WDR64: variants seen among roughly 807,000 people sequenced by gnomAD.
The protein encoded by WDR64 is WD repeat-containing protein 64.
In WDR64, 112 loss-of-function variants were observed where a neutral mutation model predicts 139.3. The ratio of observed to expected loss-of-function variants is 0.80; its 90% CI spans 0.69 to 0.94. The LOEUF is 0.94. Among genes scored for constraint, WDR64 ranks in the 40% least tolerant of loss-of-function variants. The probability of loss-of-function intolerance (pLI) is 0.00; values close to 1 mark genes in which losing one functional copy is unlikely to be tolerated. For synonymous variants in WDR64, 444 were observed against 437.7 expected, an observed-to-expected ratio of 1.01 and a Z score of -0.18; for missense variants, 1,206 against 1,293.1, an observed-to-expected ratio of 0.93 and a Z score of 1.03.
At chr1:241,780,757 T>C (rs1390892895) in intron 22 of WDR64, among the ~76,000 whole-genome samples, 1 of 152,200 alleles carries the variant, frequency 6.6e-6, no homozygotes, top group Non-Finnish European at 1.5e-5. Context: ...CTAACTCTTT[T>C]AAGGTTTCGG....
chr1:241,687,381 C>CA, intron 7 of WDR64, 80 bp from the exon 8 acceptor site: 1 of 1,531,770 alleles, frequency 6.5e-7, no homozygotes, highest in Admixed American at 1.9e-5. Context: ...CAGTTACAGT[C>CA]AAAGTAAATT....
chr1:241,673,340 T>A (rs575306028), intron 3 of WDR64, among the ~76,000 whole-genome samples: 56 of 151,294 alleles, frequency 3.7e-4, no homozygotes, highest in East Asian at 1.2e-3. Context: ...TAATAAAATT[T>A]AAAAAAAAAT....
chr1:241,674,537 G>A (rs1666387944), intron 3 of WDR64, 107 bp from the exon 4 acceptor site: 6 of 641,522 alleles, frequency 9.4e-6, no homozygotes, highest in Non-Finnish European at 1.6e-5. Context: ...TTACAGGAGT[G>A]AGCCACTTGT....
chr1:241,764,264 A>G (rs1351638699), intron 15 of WDR64, among the ~76,000 whole-genome samples: 1 of 152,188 alleles, frequency 6.6e-6, no homozygotes, highest in African/African-American at 2.4e-5. Context: ...TGCTGTGGGC[A>G]GCTCATCTTT....
chr1:241,726,824 T>A (rs1668860776), intron 10 of WDR64, among the ~76,000 whole-genome samples: 1 of 152,138 alleles, frequency 6.6e-6, no homozygotes, highest in Non-Finnish European at 1.5e-5. Flanking sequence ...CATGGATGGA[T>A]TTTTTTCTTT....
chr1:241,778,941 T>C (rs1474067992), intron 21 of WDR64, among the ~76,000 whole-genome samples: 3 of 152,156 alleles, frequency 2.0e-5, no homozygotes, highest in Non-Finnish European at 4.4e-5. Flanking sequence ...TTTTATTTTA[T>C]CTTTGCTTAT....
At position 241,712,594 on chromosome 1, in the gene WDR64, A is replaced by G. The variant is rs557070529; in HGVS notation, c.1054+713A>G. Among the ~76,000 whole-genome samples the G allele has an allele frequency of 3.3e-5, 5 of 152,190 alleles. No homozygotes were observed. In the East Asian group the frequency reaches 7.7e-4, roughly 23 times the overall value. On this transcript the variant is annotated intron_variant, in intron 9 of 27. Transcript: ENST00000437684. ...ACAACTCCTGGCTCTCTCACTTGCG[A>G]GCTGTGTGGTGGGCAGGCTATTCAT...
intron 20 of WDR64, among the ~76,000 whole-genome samples, chr1:241,773,762 G>A (rs952573358): frequency 2.0e-5 from 3 of 152,092 alleles, no homozygotes; most frequent in African/African-American, 4.8e-5. Context: ...CACTGTGCCC[G>A]ACCGAGGGCA....
At chr1:241,663,102 T>C (rs1012241545) in intron 2 of WDR64, among the ~76,000 whole-genome samples, 1 of 151,910 alleles carries the variant, frequency 6.6e-6, no homozygotes, top group African/African-American at 2.4e-5. Flanking sequence ...CAAAACTAAC[T>C]AGGAAATAAA....
intron 10 of WDR64, among the ~76,000 whole-genome samples, chr1:241,727,437 C>T (rs1668888529): frequency 1.3e-5 from 2 of 152,140 alleles, no homozygotes; most frequent in African/African-American, 4.8e-5. Flanking sequence ...CTCAGTAGCA[C>T]CACTTGGGAA....
In WDR64 at chr1:241,749,993, A is replaced by C. The variant is rs1669921758; in HGVS notation, c.1770+271A>C. ...CTAAGGCAGGTGTCAGGAAGGCTAA[A>C]TTTATACTCAGCTGCCACCTCTGAC... On this transcript the variant is annotated intron_variant, in intron 14 of 27. Transcript: ENST00000437684. Among the ~76,000 whole-genome samples the C allele has an allele frequency of 1.3e-5, 2 of 152,242 alleles. 1 individual carries two copies. Among genetic ancestry groups the C allele is most frequent in the Middle Eastern group, 6.8e-3 (2 of 294 alleles).
At chr1:241,795,090 G>T in intron 25 of WDR64, 117 bp from the exon 26 acceptor site, 1 of 774,418 alleles carries the variant, frequency 1.3e-6, no homozygotes. Context: ...CTAGGTAACA[G>T]GGAAGTCCCT....
At chr1:241,782,284 C>A (rs1433925693) in intron 22 of WDR64, among the ~76,000 whole-genome samples, 1 of 152,166 alleles carries the variant, frequency 6.6e-6, no homozygotes, top group Non-Finnish European at 1.5e-5. Context: ...GAGACTCTGT[C>A]TCAAAAGAAG....
At chr1:241,750,889 T>A (rs1669952869) in intron 14 of WDR64, among the ~76,000 whole-genome samples, 1 of 152,182 alleles carries the variant, frequency 6.6e-6, no homozygotes, top group African/African-American at 2.4e-5. Context: ...TAGACAATAG[T>A]ACATTTATGA....
At chr1:241,659,815 G>C (rs1363443639) in intron 1 of WDR64, among the ~76,000 whole-genome samples, 3 of 152,004 alleles carry the variant, frequency 2.0e-5, no homozygotes, top group Non-Finnish European at 4.4e-5. Context: ...TTAGACCTTT[G>C]TCAGATGGAT....
At chr1:241,795,166 A>G (rs1250288275) in intron 25 of WDR64, 41 bp from the exon 26 acceptor site, 1 of 1,569,048 alleles carries the variant, frequency 6.4e-7, no homozygotes, top group Non-Finnish European at 8.8e-7. Flanking sequence ...CAGTGATAGG[A>G]TGTGCCCCTT....
intron 8 of WDR64, among the ~76,000 whole-genome samples, chr1:241,704,926 G>C (rs1667873293): frequency 6.6e-6 from 1 of 152,120 alleles, no homozygotes; most frequent in African/African-American, 2.4e-5. Context: ...GATACAACCA[G>C]CAATTCAAAA....
intron 8 of WDR64, among the ~76,000 whole-genome samples, chr1:241,711,082 C>G (rs1310752889): frequency 6.6e-6 from 1 of 152,066 alleles, no homozygotes; most frequent in Non-Finnish European, 1.5e-5. Flanking sequence ...GCTAAAAATA[C>G]AAAAATTACC....
At chr1:241,765,597 T>C (rs181360257) in intron 15 of WDR64, among the ~76,000 whole-genome samples, 107 of 152,290 alleles carry the variant, frequency 7.0e-4, no homozygotes, top group Admixed American at 1.4e-3. Context: ...AGACCTCTCC[T>C]CTTATTTAAA....
Sources: gnomAD v4.1 joint callset for allele counts (sites outside exome capture counted in the v4.1 genomes callset) on GRCh38, gnomAD v4.1.1 for gene constraint, MANE v1.5 for transcripts, NCBI Gene and HGNC (gene_info 2026-07-23, HGNC 2026-07-21) for gene names.